Variants in ATP2C1 observed in about 807,000 individuals in gnomAD.
The protein encoded by ATP2C1 is calcium-transporting ATPase type 2C member 1.
Under a neutral mutation model 120.5 loss-of-function variants are expected in ATP2C1, and 31 were observed. The ratio of observed to expected loss-of-function variants is 0.26; its 90% CI spans 0.19 to 0.35. The LOEUF (loss-of-function observed/expected upper bound fraction) is 0.35. ATP2C1 is among the 10% of genes least tolerant of loss of function. ATP2C1 has a pLI of 1.00. For synonymous variants in ATP2C1, 351 were observed against 358.7 expected (o/e 0.98, Z 0.24); for missense variants, 731 against 1,107.5 (o/e 0.66, Z 4.83).
At chr3:131,006,950 GAGCCATC>G (rs1157260417), downstream of ATP2C1, among the ~76,000 whole-genome samples, 1 of 152,142 alleles carries the variant, frequency 6.6e-6, no homozygotes, top group African/African-American at 2.4e-5. Context: ...TTATAAGCGT[GAGCCATC>G]ACGCCCAGCC....
chr3:130,976,349 A>G (rs2061527911), intron 18 of ATP2C1, among the ~76,000 whole-genome samples: 1 of 152,158 alleles, frequency 6.6e-6, no homozygotes, highest in South Asian at 2.1e-4. Context: ...AGCAGAGAAC[A>G]TTGCTCCCAG....
chr3:130,900,820 A>G (rs1003707108), intron 2 of ATP2C1, among the ~76,000 whole-genome samples: 1 of 152,206 alleles, frequency 6.6e-6, no homozygotes, highest in Non-Finnish European at 1.5e-5. Flanking sequence ...CATTTGTAGT[A>G]TAAATAAATT....
rs750260544 is a variant in ATP2C1, at chr3:130,941,708, G to A, written c.531+9G>A. 11 of 1,600,654 alleles carry A rather than the reference G, an allele frequency of 6.9e-6. No individual in the cohort carries two copies. The highest frequency in any genetic ancestry group is 1.1e-5 in the South Asian group (1 of 90,800). Reference sequence around the variant, plus strand: ...ACTTACGCTTGTTTGAGGTAAATTTGGGATCTGATTGTAATAAGTGAAAAT... The same window carrying A: ...ACTTACGCTTGTTTGAGGTAAATTTAGGATCTGATTGTAATAAGTGAAAAT... On this transcript the variant is annotated intron_variant, in intron 8 of 27. Coordinates refer to ENST00000510168, the MANE Select transcript of ATP2C1 (RefSeq NM_001378687.1).
At chr3:130,909,896 G>A (rs1267261082) in intron 2 of ATP2C1, among the ~76,000 whole-genome samples, 1 of 151,936 alleles carries the variant, frequency 6.6e-6, no homozygotes, top group South Asian at 2.1e-4. Context: ...AATAGAGTTA[G>A]GGTCTCACTA....
intron 13 of ATP2C1, 144 bp downstream of exon 13, chr3:130,964,239 C>A: frequency 3.4e-6 from 4 of 1,180,034 alleles, no homozygotes; most frequent in Admixed American, 2.0e-5. Flanking sequence ...GTTTTAACAA[C>A]CAAAAAAGGC....
Position 130,967,141 on chromosome 3 carries a change from T to G in ATP2C1, c.1123-4T>G, listed in dbSNP as rs779682382. 2 of 1,610,884 alleles carry G rather than the reference T, an allele frequency of 1.2e-6. No homozygotes were observed. Among genetic ancestry groups the G allele is most frequent in the South Asian group, 2.2e-5 (2 of 91,012 alleles). ...TATTATTGATCCCACTTTGTGATCT[T>G]TAGGTTACTGGAGTTGGCTATAATC... On this transcript the variant is annotated splice_polypyrimidine_tract_variant and splice_region_variant and intron_variant, in intron 14 of 27. Transcript: ENST00000510168.
At chr3:130,868,835 C>A (rs1464336062) in intron 1 of ATP2C1, 1 of 134,552 alleles carries the variant, frequency 7.4e-6, no homozygotes, top group African/African-American at 2.8e-5. Flanking sequence ...CCAGCCGCCC[C>A]ATCCGGGAGG....
At chr3:131,015,666 G>A (rs1267982032) in intron 26 of ATP2C1, among the ~76,000 whole-genome samples, 2 of 152,136 alleles carry the variant, frequency 1.3e-5, no homozygotes, top group East Asian at 3.9e-4. Flanking sequence ...CACAGGGTAG[G>A]CATTTAATAT....
At chr3:130,856,635 C>G (rs1393975577) in intron 1 of ATP2C1, among the ~76,000 whole-genome samples, 4 of 152,174 alleles carry the variant, frequency 2.6e-5, no homozygotes, top group Non-Finnish European at 5.9e-5. Flanking sequence ...TTCTCCATGT[C>G]CCCTTAGCCC....
chr3:130,951,912 A>C (rs2060385393), intron 8 of ATP2C1, among the ~76,000 whole-genome samples: 1 of 152,168 alleles, frequency 6.6e-6, no homozygotes, highest in Non-Finnish European at 1.5e-5. Context: ...TATTTTCATG[A>C]TGAATATTTT....
chr3:130,859,557 A>G (rs546404590), intron 1 of ATP2C1, among the ~76,000 whole-genome samples: 16 of 152,170 alleles, frequency 1.1e-4, no homozygotes, highest in Non-Finnish European at 1.9e-4. Flanking sequence ...TTCTTCTTCA[A>G]TCAAGCCTCT....
chr3:130,857,731 A>G (rs1014383850), intron 1 of ATP2C1, among the ~76,000 whole-genome samples: 3 of 152,150 alleles, frequency 2.0e-5, no homozygotes, highest in Non-Finnish European at 4.4e-5. Flanking sequence ...CTGCATGTTG[A>G]CCTTGCCCCT....
At chr3:131,000,685 C>A (rs763462793) in intron 27 of ATP2C1, among the ~76,000 whole-genome samples, 25 of 152,216 alleles carry the variant, frequency 1.6e-4, no homozygotes, top group Non-Finnish European at 3.2e-4. Context: ...GGTTCTAATT[C>A]TGGCTGCTGC....
intron 10 of ATP2C1, 39 bp from the exon 11 acceptor site, chr3:130,956,065 A>G (rs763583868): frequency 2.2e-6 from 3 of 1,361,962 alleles, no homozygotes; most frequent in East Asian, 2.3e-5. Flanking sequence ...CTTAGTAAAT[A>G]TAGCTAATTG....
intron 20 of ATP2C1, 138 bp from the exon 21 acceptor site, chr3:130,992,813 T>C: frequency 1.4e-6 from 1 of 700,912 alleles, no homozygotes; most frequent in Non-Finnish European, 2.6e-6. Flanking sequence ...ACATATGTCA[T>C]ATTGCTTAAG....
intron 4 of ATP2C1, among the ~76,000 whole-genome samples, chr3:130,933,471 GGTTCT>G (rs2108372311): frequency 1.3e-5 from 2 of 152,230 alleles, no homozygotes; most frequent in African/African-American, 4.8e-5. Flanking sequence ...TTTGGTATAA[GGTTCT>G]GTTTTACCAG....
intron 2 of ATP2C1, among the ~76,000 whole-genome samples, chr3:130,923,055 T>C (rs113009047): frequency 6.6e-6 from 1 of 152,232 alleles, no homozygotes; most frequent in East Asian, 1.9e-4. Flanking sequence ...TGTCAGTGGA[T>C]TATTGAAGTT....
chr3:130,935,023 G>A (rs951795684), intron 5 of ATP2C1, among the ~76,000 whole-genome samples: 2 of 152,006 alleles, frequency 1.3e-5, no homozygotes, highest in African/African-American at 4.8e-5. Flanking sequence ...TGTAAAGACA[G>A]GGTCTTGTTA....
At chr3:130,852,582 A>T (rs753856262) in intron 1 of ATP2C1, among the ~76,000 whole-genome samples, 30 of 152,144 alleles carry the variant, frequency 2.0e-4, no homozygotes, top group Non-Finnish European at 2.9e-4. Context: ...ATTCTTATAT[A>T]AGTGAATTGA....
Sources: allele counts gnomAD v4.1 joint callset (sites outside exome capture counted in the v4.1 genomes callset), GRCh38; gene constraint gnomAD v4.1.1; transcripts MANE v1.5; gene names NCBI Gene and HGNC (gene_info 2026-07-23, HGNC 2026-07-21).